The following SERPINA3 variants were observed in gnomAD, a reference collection of about 807,000 sequenced individuals.
SERPINA3 encodes the protein alpha-1-antichymotrypsin.
Under a neutral mutation model 26.8 loss-of-function variants are expected in SERPINA3, and 32 were observed. The observed-to-expected ratio is 1.20, with a 90% CI of 0.90 to 1.61. SERPINA3 has a LOEUF of 1.61. Among genes scored for constraint, SERPINA3 ranks in the 40% most tolerant of loss-of-function variants. SERPINA3 has a pLI of 0.00. For missense variants in SERPINA3, 632 were observed against 517.9 expected, an observed-to-expected ratio of 1.22 and a Z score of -2.14; for synonymous variants, 252 against 206.4, an observed-to-expected ratio of 1.22 and a Z score of -1.89.
At chr14:94,615,380 C>A in intron 2 of SERPINA3, 1 of 510,048 alleles carries the variant, frequency 2.0e-6, no homozygotes, top group Non-Finnish European at 3.7e-6. Context: ...AAAGAAGGAG[C>A]TCTCCTTTCA....
chr14:94,623,583 C>G (rs551566901), intron 4 of SERPINA3, 28 bp from the exon 5 acceptor site: 3 of 1,607,350 alleles, frequency 1.9e-6, no homozygotes, highest in Non-Finnish European at 2.6e-6. Flanking sequence ...CTGTGTTTCC[C>G]GTGTGTAATG....
In SERPINA3 at chr14:94,622,452, G is replaced by C. The variant is rs200158072; in HGVS notation, c.1029G>C (p.Leu343=). Residue 343 remains leucine (L), a synonymous_variant, in exon 4 of 5, where the codon CTG becomes CTC. Transcript: ENST00000393078. The stretch of plus-strand genomic sequence containing the variant: ...AAGCCTTCACCAGCAAGGCTGACCT[G>C]TCAGGGATCACAGGGGCCAGGAACC... The part of the protein sequence containing the change: ...IEEAFTSKAD[L]SGITGARNLA... 3 of 1,614,160 alleles carry C rather than the reference G, an allele frequency of 1.9e-6. No homozygotes were observed. The highest frequency in any genetic ancestry group is 2.5e-6 in the Non-Finnish European group (3 of 1,180,028).
Position 94,614,671 on chromosome 14 carries a change from C to T in SERPINA3, c.230C>T (p.Pro77Leu). 1 of 1,614,088 alleles carries T rather than the reference C, an allele frequency of 6.2e-7. No individual in the cohort carries two copies. The highest frequency in any genetic ancestry group is 1.3e-5 in the African/African-American group (1 of 75,002). Residue 77 changes from proline (P) to leucine (L), a missense_variant, in exon 2 of 5, where the codon CCA becomes CTA. By Grantham distance (98) the Pro-to-Leu change is moderately conservative. Coordinates refer to ENST00000393078, the MANE Select transcript of SERPINA3 (RefSeq NM_001085.5). ...KAPDKNVIFS[P>L]LSISTALAFL... ...CCTGATAAGAATGTCATCTTCTCCC[C>T]ACTGAGCATCTCCACCGCCTTGGCC...
At chr14:94,619,557 C>A in intron 3 of SERPINA3, 89 bp downstream of exon 3, 5 of 1,509,654 alleles carry the variant, frequency 3.3e-6, no homozygotes, top group Non-Finnish European at 4.6e-6. Flanking sequence ...GGTGGGAGAA[C>A]TCATACAGGG....
chr14:94,620,576 T>C (rs1373773013), intron 3 of SERPINA3, among the ~76,000 whole-genome samples: 1 of 152,116 alleles, frequency 6.6e-6, no homozygotes, highest in Non-Finnish European at 1.5e-5. Flanking sequence ...AAAAGACTAA[T>C]CCTGGCTGCT....
At chr14:94,621,111 C>A (rs1365053650) in intron 3 of SERPINA3, among the ~76,000 whole-genome samples, 1 of 152,194 alleles carries the variant, frequency 6.6e-6, no homozygotes, top group East Asian at 1.9e-4. Flanking sequence ...GCCCCAACCA[C>A]TGTCCAGAAG....
chr14:94,614,183 G>A, intron 1 of SERPINA3: 1 of 525,224 alleles, frequency 1.9e-6, no homozygotes, highest in Non-Finnish European at 3.5e-6. Context: ...TCTTGGGCAA[G>A]CCCCCTCACC....
At chr14:94,622,750 A>G (rs574354377) in intron 4 of SERPINA3, 2 of 530,890 alleles carry the variant, frequency 3.8e-6, no homozygotes, top group Middle Eastern at 5.2e-4. Context: ...ATTCCACACT[A>G]TACCATTTAC....
rs547334107 is a variant in SERPINA3 at position 94,612,740 on chromosome 14, T to G, written c.-9+293T>G. ...GATTCGGATTTGAGTCAGCTGTGCA[T>G]CTGACCCTCAGGGAAGAGGTGCTGT... On this transcript the variant is annotated intron_variant, in intron 1 of 4. Coordinates refer to ENST00000393078, the MANE Select transcript of SERPINA3 (RefSeq NM_001085.5). Among the ~76,000 whole-genome samples the G allele has an allele frequency of 3.9e-4, 60 of 152,312 alleles. 1 individual carries two copies. Among genetic ancestry groups the G allele is most frequent in the Admixed American group, 3.9e-3 (59 of 15,306 alleles).
At position 94,619,401 on chromosome 14, in the gene SERPINA3, A is replaced by G. The variant is rs1886116939; in HGVS notation, c.850A>G (p.Met284Val). 6.2e-7 allele frequency: 1 copy of G among 1,613,990 alleles called. No homozygotes were observed. The highest frequency in any genetic ancestry group is 1.3e-5 in the African/African-American group (1 of 74,904). The part of the protein sequence containing the change: ...ALFILPDQDK[M>V]EEVEAMLLPE... ...CTTCATCCTCCCTGATCAAGACAAGATGGAGGAAGTGGAAGCCATGCTGCT... is the reference window on the plus strand; with the variant it reads ...CTTCATCCTCCCTGATCAAGACAAGGTGGAGGAAGTGGAAGCCATGCTGCT... The change falls in exon 3 of 5, where the codon ATG becomes GTG. Residue 284 changes from methionine (M) to valine (V), a missense_variant. Transcript: ENST00000393078.
At chr14:94,617,132 A>G (rs968248426) in intron 2 of SERPINA3, among the ~76,000 whole-genome samples, 2 of 152,202 alleles carry the variant, frequency 1.3e-5, no homozygotes, top group Non-Finnish European at 2.9e-5. Context: ...AAGGTGCTCC[A>G]TGGCACTGCC....
intron 2 of SERPINA3, 140 bp downstream of exon 2, chr14:94,615,224 C>A: frequency 1.1e-6 from 1 of 946,170 alleles, no homozygotes; most frequent in Non-Finnish European, 1.7e-6. Flanking sequence ...CAAGGCCCCA[C>A]CCTGCCCATA....
intron 3 of SERPINA3, 95 bp from the exon 4 acceptor site, chr14:94,622,246 T>C: frequency 1.8e-6 from 2 of 1,141,478 alleles, no homozygotes; most frequent in Non-Finnish European, 2.7e-6. Flanking sequence ...AGGGGGTGAC[T>C]GTAGAGGAAA....
At chr14:94,619,891 T>C (rs1246005711) in intron 3 of SERPINA3, 2 of 243,500 alleles carry the variant, frequency 8.2e-6, no homozygotes, top group Non-Finnish European at 1.6e-5. Flanking sequence ...TGCTGCATGA[T>C]TAATTGAGCA....
intron 4 of SERPINA3, 78 bp from the exon 5 acceptor site, chr14:94,623,533 C>T (rs1886282006): frequency 1.5e-6 from 2 of 1,342,134 alleles, no homozygotes; most frequent in African/African-American, 1.4e-5. Flanking sequence ...ACATTAGACC[C>T]CTTAGTGGCA....
In SERPINA3 at chr14:94,615,018, A is replaced by G. The variant is rs1349231339; in HGVS notation, c.577A>G (p.Thr193Ala). The G allele has an allele frequency of 5.0e-6, 8 of 1,614,160 alleles. No homozygotes were observed. Among genetic ancestry groups the G allele is most frequent in the East Asian group, 4.5e-5 (2 of 44,882 alleles). ...YVKNGTRGKI[T>A]DLIKDLDSQT... is the part of the protein sequence containing the mutation. The stretch of plus-strand genomic sequence containing the variant: ...GAAGAATGGAACTAGGGGGAAAATC[A>G]CAGATCTGATCAAGGACCTTGACTC... The change falls in exon 2 of 5, where the codon ACA becomes GCA. Residue 193 changes from threonine to alanine, a missense_variant. By Grantham distance (58) the Thr-to-Ala change is moderately conservative. Transcript: ENST00000393078.
intron 3 of SERPINA3, among the ~76,000 whole-genome samples, chr14:94,621,246 C>A (rs1440391070): frequency 1.3e-5 from 2 of 152,174 alleles, no homozygotes; most frequent in Non-Finnish European, 2.9e-5. Context: ...TCCTTTAGCA[C>A]CTAATAGCCA....
chr14:94,621,759 C>CAG (rs1886210816), intron 3 of SERPINA3, among the ~76,000 whole-genome samples: 1 of 152,214 alleles, frequency 6.6e-6, no homozygotes, highest in Non-Finnish European at 1.5e-5. Flanking sequence ...TGACCTGCCT[C>CAG]TGGCTCCTGG....
chr14:94,620,789 T>C (rs1886172690), intron 3 of SERPINA3, among the ~76,000 whole-genome samples: 1 of 151,952 alleles, frequency 6.6e-6, no homozygotes, highest in Admixed American at 6.5e-5. Context: ...GGGGACACAG[T>C]GAGGAGGAGC....
Sources: allele counts gnomAD v4.1 joint callset (sites outside exome capture counted in the v4.1 genomes callset), GRCh38; gene constraint gnomAD v4.1.1; transcripts MANE v1.5; gene names NCBI Gene and HGNC (gene_info 2026-07-23, HGNC 2026-07-21).